The following KCNJ1 variants were observed in gnomAD, a reference collection of about 807,000 sequenced individuals.
KCNJ1 encodes potassium inwardly rectifying channel subfamily J member 1, also known as ATP-sensitive inward rectifier potassium channel 1.
A neutral mutation model predicts 21.9 loss-of-function variants in KCNJ1; 24 were observed. The ratio of observed to expected loss-of-function variants is 1.10; its 90% CI spans 0.79 to 1.54. The LOEUF is 1.54. Ranked by LOEUF, KCNJ1 falls within the 40% of genes most tolerant of loss-of-function variation. The pLI is 0.00. For synonymous variants in KCNJ1, 152 were observed against 160.9 expected (o/e 0.94, Z 0.42); for missense variants, 457 against 455.4 (o/e 1.00, Z -0.03).
rs1387810376 is a variant in KCNJ1 at position 128,839,816 on chromosome 11, AAGAT to A, written c.424_427del (p.Ile142PhefsTer8). ...GATTATAACTCCAAGTATAGACTGAAAGATAAGCAGAAAAATGGCAGTGGCACAC... is the reference window on the plus strand; with the variant it reads ...GATTATAACTCCAAGTATAGACTGAAAAGCAGAAAAATGGCAGTGGCACAC... On this transcript the variant is annotated frameshift_variant, in exon 3 of 3. Coordinates refer to ENST00000392666, the MANE Select transcript of KCNJ1 (RefSeq NM_153766.3). LOFTEE classifies it high-confidence loss of function. The A allele has an allele frequency of 9.9e-6, 16 of 1,614,050 alleles. No homozygotes were observed. The highest frequency in any genetic ancestry group is 1.4e-5 in the Non-Finnish European group (16 of 1,180,032).
At chr11:128,842,830 C>T (rs889890491) in intron 2 of KCNJ1, among the ~76,000 whole-genome samples, 9 of 152,168 alleles carry the variant, frequency 5.9e-5, no homozygotes, top group African/African-American at 1.7e-4. Context: ...ATCAATCTCC[C>T]GGCCTATTCT....
intron 1 of KCNJ1, among the ~76,000 whole-genome samples, chr11:128,852,091 T>C (rs1356284118): frequency 6.6e-6 from 1 of 152,234 alleles, no homozygotes; most frequent in African/African-American, 2.4e-5. Flanking sequence ...CATTGGGTAT[T>C]CAGTGTGTCA....
chr11:128,847,394 T>A (rs1471449326), intron 2 of KCNJ1, among the ~76,000 whole-genome samples: 2 of 152,170 alleles, frequency 1.3e-5, no homozygotes, highest in Non-Finnish European at 2.9e-5. Flanking sequence ...ACAAAACCAC[T>A]TTACAAGCCC....
At chr11:128,859,414 G>A (rs1662142043) in intron 1 of KCNJ1, among the ~76,000 whole-genome samples, 1 of 152,036 alleles carries the variant, frequency 6.6e-6, no homozygotes, top group Admixed American at 6.5e-5. Context: ...CCCCACTCCG[G>A]GCTAGTGTAT....
intron 2 of KCNJ1, among the ~76,000 whole-genome samples, chr11:128,840,739 A>G (rs1009715251): frequency 3.3e-5 from 5 of 152,220 alleles, no homozygotes; most frequent in Non-Finnish European, 5.9e-5. Flanking sequence ...GACCAATAAA[A>G]CACTCATCAA....
At position 128,844,391 on chromosome 11, in the gene KCNJ1, C is replaced by T. The variant is rs887592390; in HGVS notation, c.-21-4127G>A. On this transcript the variant is annotated intron_variant, in intron 2 of 2. Transcript: ENST00000392666. ...CATTTGACAGGTTTTTTTCATAGAA[C>T]GAAAGGAGAAACTGTTATAAAGAAC... is the stretch of plus-strand genomic sequence containing the variant. 2.5e-4 allele frequency among the ~76,000 whole-genome samples: 38 copies of T among 152,176 alleles called. 1 individual carries two copies. Among genetic ancestry groups the T allele is most frequent in the South Asian group, 4.2e-4 (2 of 4,816 alleles).
intron 2 of KCNJ1, chr11:128,842,641 C>A: frequency 1.2e-6 from 1 of 861,596 alleles, no homozygotes; most frequent in Non-Finnish European, 1.7e-6. Context: ...TTCTTTCCAA[C>A]ATCACATGGC....
At position 128,846,687 on chromosome 11, in the gene KCNJ1, T is replaced by C. The variant is rs74719940; in HGVS notation, c.-22+4034A>G. 4.3e-3 allele frequency among the ~76,000 whole-genome samples: 659 copies of C among 152,304 alleles called. 5 individuals are homozygous for C. The highest frequency in any genetic ancestry group is 0.015 in the African/African-American group (610 of 41,568). The stretch of plus-strand genomic sequence containing the variant: ...CAGGATAGAGGGAGAGAATTATCCT[T>C]GGCAAGGCTGAACAGAGCGACGGTA... On this transcript the variant is annotated intron_variant, in intron 2 of 2. Transcript: ENST00000392666.
chr11:128,855,092 AAAAC>A (rs1311483380), intron 1 of KCNJ1, among the ~76,000 whole-genome samples: 11 of 152,320 alleles, frequency 7.2e-5, no homozygotes, highest in Admixed American at 6.5e-4. Context: ...TTAAGCCTGG[AAAAC>A]AAACAAAAAA....
Position 128,839,100 on chromosome 11 carries a change from C to T in KCNJ1, c.*25G>A. 1 of 1,607,006 alleles carries T rather than the reference C, an allele frequency of 6.2e-7. No homozygotes were observed. The highest frequency in any genetic ancestry group is 8.5e-7 in the Non-Finnish European group (1 of 1,176,524). On this transcript the variant is annotated 3_prime_UTR_variant, in exon 3 of 3. Transcript: ENST00000392666. The stretch of plus-strand genomic sequence containing the variant: ...GGTACTAGGAGCTTTAGAGACTTTG[C>T]TTTACTCCCGTTGAAAAGCCACTGT...
In KCNJ1 at chr11:128,838,909, C is replaced by T. The variant is rs1943214650; in HGVS notation, c.*216G>A. 3.4e-6 allele frequency: 2 copies of T among 584,208 alleles called. No individual in the cohort carries two copies. The highest frequency in any genetic ancestry group is 3.7e-5 in the African/African-American group (2 of 53,504). The allele number at this position is 584,208 out of a possible 1,614,324, so 36.2% of individuals were successfully genotyped here. A position where few individuals can be genotyped will look rare whatever the true frequency, so the allele number is the denominator to read the frequency against. On this transcript the variant is annotated 3_prime_UTR_variant, in exon 3 of 3. Transcript: ENST00000392666. ...GAGAGCACCTATGTCTTCCATACAC[C>T]AGTTTCATATAAATGCATTGCACGT...
chr11:128,840,517 G>C (rs1943265621), intron 2 of KCNJ1, among the ~76,000 whole-genome samples: 1 of 152,138 alleles, frequency 6.6e-6, no homozygotes, highest in African/African-American at 2.4e-5. Flanking sequence ...GACAAACTAA[G>C]TGATTATATA....
intron 1 of KCNJ1, among the ~76,000 whole-genome samples, chr11:128,858,713 G>A (rs1162718957): frequency 1.3e-5 from 2 of 152,192 alleles, no homozygotes; most frequent in Non-Finnish European, 2.9e-5. Flanking sequence ...ATGTCACTCT[G>A]TGACATAGAC....
At chr11:128,861,249 T>C (rs1211358501) in intron 1 of KCNJ1, among the ~76,000 whole-genome samples, 1 of 152,228 alleles carries the variant, frequency 6.6e-6, no homozygotes, top group Non-Finnish European at 1.5e-5. Context: ...CCCGAGGCGC[T>C]TTTCTGCGTG....
chr11:128,849,576 G>A (rs1229917954), intron 2 of KCNJ1, among the ~76,000 whole-genome samples: 1 of 152,188 alleles, frequency 6.6e-6, no homozygotes, highest in Admixed American at 6.5e-5. Flanking sequence ...GTGTGTTGGA[G>A]GAGAAGACCA....
chr11:128,850,353 C>A (rs1029051533), intron 2 of KCNJ1, among the ~76,000 whole-genome samples: 1 of 152,176 alleles, frequency 6.6e-6, no homozygotes, highest in African/African-American at 2.4e-5. Context: ...GTGGTATGAA[C>A]AGTAATTTTA....
At chr11:128,841,536 G>C (rs1335552708) in intron 2 of KCNJ1, among the ~76,000 whole-genome samples, 1 of 152,142 alleles carries the variant, frequency 6.6e-6, no homozygotes, top group Non-Finnish European at 1.5e-5. Flanking sequence ...GAATATCAAG[G>C]TGTGCCCACC....
At chr11:128,843,985 C>T (rs1565524415) in intron 2 of KCNJ1, among the ~76,000 whole-genome samples, 1 of 152,120 alleles carries the variant, frequency 6.6e-6, no homozygotes, top group African/African-American at 2.4e-5. Context: ...CTGGGGAGCA[C>T]CTATTTTGAT....
intron 1 of KCNJ1, among the ~76,000 whole-genome samples, chr11:128,860,045 G>GGGCACTGCGCAAGAGAGGTC (rs1943673600): frequency 7.9e-6 from 1 of 126,290 alleles, no homozygotes. Context: ...CGCCTGCCGA[G>GGGCACTGCGCAAGAGAGGTC]GGCACTGCGC....
Sources: allele counts gnomAD v4.1 joint callset (sites outside exome capture counted in the v4.1 genomes callset), GRCh38; gene constraint gnomAD v4.1.1; transcripts MANE v1.5; gene names NCBI Gene and HGNC (gene_info 2026-07-23, HGNC 2026-07-21).